WDR41: variants seen among roughly 807,000 people sequenced by gnomAD.
WDR41 encodes the protein WD repeat domain 41, also known as WD repeat-containing protein 41.
Under a neutral mutation model 69.3 loss-of-function variants are expected in WDR41, and 63 were observed. That is an observed-to-expected ratio of 0.91 (90% CI 0.74 to 1.12). The LOEUF is 1.12. Ranked by LOEUF, WDR41 falls within the 50% of genes most tolerant of loss-of-function variation. WDR41 has a pLI of 0.00. For missense variants in WDR41, 543 were observed against 534.5 expected (o/e 1.02, Z -0.16); for synonymous variants, 185 against 192.1 (o/e 0.96, Z 0.31).
At chr5:77,608,344 T>A (rs1376333429) in intron 1 of WDR41, among the ~76,000 whole-genome samples, 2 of 152,184 alleles carry the variant, frequency 1.3e-5, no homozygotes, top group African/African-American at 2.4e-5. Context: ...CAACATTAGA[T>A]CCCTGGAAGT....
At chr5:77,565,914 A>C (rs1315397447) in intron 1 of WDR41, among the ~76,000 whole-genome samples, 1 of 152,182 alleles carries the variant, frequency 6.6e-6, no homozygotes, top group Non-Finnish European at 1.5e-5. Flanking sequence ...GTAGGTATTC[A>C]ACACATTATT....
At chr5:77,576,596 G>C (rs1440932158) in intron 1 of WDR41, among the ~76,000 whole-genome samples, 2 of 151,940 alleles carry the variant, frequency 1.3e-5, no homozygotes, top group Admixed American at 6.6e-5. Context: ...CATGATCTCT[G>C]GCTACCTCAT....
chr5:77,458,494 T>TG (rs1350423733), intron 5 of WDR41, among the ~76,000 whole-genome samples: 8 of 152,188 alleles, frequency 5.3e-5, no homozygotes, highest in Non-Finnish European at 1.2e-4. Flanking sequence ...ACTTAATTTC[T>TG]GTAGGAATCA....
rs1270330300 is a variant in WDR41 at position 77,609,387 on chromosome 5, C to T, written c.42+11092G>A. Among the ~76,000 whole-genome samples, 4 of 152,176 alleles carry T rather than the reference C, an allele frequency of 2.6e-5. No individual in the cohort carries two copies. In the South Asian group the frequency reaches 6.2e-4, roughly 24 times the overall value. ...TCCCCGACCCCTGACCCCTGAGCAG[C>T]CTAACTGGGAGGCACCCCCCAGTAG... On this transcript the variant is annotated intron_variant, in intron 1 of 5. Transcript: ENST00000509971.
chr5:77,467,141 T>C (rs1324826876), intron 2 of WDR41, among the ~76,000 whole-genome samples: 2 of 151,820 alleles, frequency 1.3e-5, no homozygotes, highest in Admixed American at 6.6e-5. Flanking sequence ...TAATGAACTA[T>C]AAAATAAAAA....
At chr5:77,527,223 A>T (rs1033297018) in intron 1 of WDR41, among the ~76,000 whole-genome samples, 148 of 152,112 alleles carry the variant, frequency 9.7e-4, no homozygotes, top group African/African-American at 3.2e-3. Context: ...TTTTTAAAAA[A>T]AATCTAATTC....
In WDR41 at chr5:77,526,329, AT is replaced by A. The variant is rs1409688754; in HGVS notation, c.43-36758del. Among the ~76,000 whole-genome samples, 10 of 152,084 alleles carry A rather than the reference AT, an allele frequency of 6.6e-5. No homozygotes were observed. The South Asian group carries it at 1.0e-3, about 16-fold the overall frequency. On this transcript the variant is annotated intron_variant, in intron 1 of 5. Coordinates refer to the WDR41 transcript ENST00000509971. ...ATAAGGACTTTTTTTTTTTACTACA[AT>A]GTGGTCACAGCTACAAAATTAACAA...
chr5:77,457,177 C>T (rs1390881355), intron 5 of WDR41, among the ~76,000 whole-genome samples: 1 of 151,948 alleles, frequency 6.6e-6, no homozygotes, highest in Non-Finnish European at 1.5e-5. Context: ...GGTTTTTGTC[C>T]TTTATTCTTA....
intron 2 of WDR41, among the ~76,000 whole-genome samples, chr5:77,485,399 C>T (rs1801469370): frequency 6.6e-6 from 1 of 152,122 alleles, no homozygotes; most frequent in Admixed American, 6.5e-5. Flanking sequence ...TCAAGCTATA[C>T]TGAGTTTATT....
chr5:77,472,011 G>GCAGA (rs1800643769), intron 2 of WDR41, among the ~76,000 whole-genome samples: 1 of 152,184 alleles, frequency 6.6e-6, no homozygotes, highest in South Asian at 2.1e-4. Flanking sequence ...GAACATTGAT[G>GCAGA]CAGAAATCCT....
chr5:77,597,494 G>A (rs1744247800), intron 1 of WDR41, among the ~76,000 whole-genome samples: 1 of 152,172 alleles, frequency 6.6e-6, no homozygotes, highest in Non-Finnish European at 1.5e-5. Context: ...TAGGCAAACT[G>A]TGGATGAAAT....
upstream of WDR41, among the ~76,000 whole-genome samples, chr5:77,496,156 C>T (rs1218025721): frequency 2.0e-5 from 3 of 152,038 alleles, no homozygotes; most frequent in Non-Finnish European, 4.4e-5. Context: ...CCATGGTTAA[C>T]ATCACATTCG....
chr5:77,455,428 T>C (rs1425992637), intron 5 of WDR41, among the ~76,000 whole-genome samples: 1 of 152,234 alleles, frequency 6.6e-6, no homozygotes, highest in Non-Finnish European at 1.5e-5. Context: ...TGTTGTCTTT[T>C]CACTTTGAAG....
chr5:77,588,942 A>C (rs1744086585), intron 1 of WDR41, among the ~76,000 whole-genome samples: 1 of 152,204 alleles, frequency 6.6e-6, no homozygotes, highest in Non-Finnish European at 1.5e-5. Flanking sequence ...ACCAGCAAGC[A>C]CTTCAGCACT....
intron 1 of WDR41, among the ~76,000 whole-genome samples, chr5:77,618,836 G>C (rs147818028): frequency 2.0e-5 from 3 of 152,344 alleles, no homozygotes; most frequent in Non-Finnish European, 4.4e-5. Flanking sequence ...GGACATCAAG[G>C]ATAAGCCAGA....
chr5:77,571,644 T>A (rs1743734659), intron 1 of WDR41, among the ~76,000 whole-genome samples: 1 of 152,158 alleles, frequency 6.6e-6, no homozygotes, highest in African/African-American at 2.4e-5. Flanking sequence ...CTAGGAAGAC[T>A]TTGGTCTTGA....
chr5:77,561,438 T>A (rs1443943144), intron 1 of WDR41, among the ~76,000 whole-genome samples: 1 of 152,182 alleles, frequency 6.6e-6, no homozygotes, highest in Non-Finnish European at 1.5e-5. Flanking sequence ...TATTTAGTTT[T>A]GATACTTTTT....
chr5:77,511,530 A>G lies in WDR41; in HGVS notation c.43-21958T>C, dbSNP rs531875357. 2.0e-5 allele frequency among the ~76,000 whole-genome samples: 3 copies of G among 152,338 alleles called. No individual in the cohort carries two copies. The East Asian group carries it at 5.8e-4, about 29-fold the overall frequency. The stretch of plus-strand genomic sequence containing the variant: ...CCCTTATTTAATGACTTATTAATCA[A>G]CCACAGTCAGCCAACACTGTATCAC... On this transcript the variant is annotated intron_variant, in intron 1 of 5. Transcript: ENST00000509971.
At chr5:77,470,850 T>C (rs1197125617) in intron 2 of WDR41, among the ~76,000 whole-genome samples, 2 of 133,822 alleles carry the variant, frequency 1.5e-5, no homozygotes, top group Non-Finnish European at 3.1e-5. Context: ...CACCCTACTG[T>C]CAACATTAGA....
Sources: gnomAD v4.1 joint callset for allele counts (sites outside exome capture counted in the v4.1 genomes callset) on GRCh38, gnomAD v4.1.1 for gene constraint, MANE v1.5 for transcripts, NCBI Gene and HGNC (gene_info 2026-07-23, HGNC 2026-07-21) for gene names.